Variants in CAPN2 observed in about 807,000 individuals in gnomAD.
The protein encoded by CAPN2 is calpain-2 catalytic subunit.
A neutral mutation model predicts 102.3 loss-of-function variants in CAPN2; 92 were observed. The ratio of observed to expected loss-of-function variants is 0.90; its 90% CI spans 0.76 to 1.07. The LOEUF (loss-of-function observed/expected upper bound fraction) is 1.07. Among genes scored for constraint, CAPN2 ranks in the 50% least tolerant of loss-of-function variants. CAPN2 has a pLI of 0.00. For missense variants in CAPN2, 800 were observed against 909.4 expected, an observed-to-expected ratio of 0.88 and a Z score of 1.55; for synonymous variants, 340 against 355.4, an observed-to-expected ratio of 0.96 and a Z score of 0.49.
chr1:223,717,710 G>T, intron 1 of CAPN2, 52 bp from the exon 2 acceptor site: 2 of 1,466,036 alleles, frequency 1.4e-6, no homozygotes, highest in South Asian at 2.3e-5. Context: ...CATCCTAGCT[G>T]CAGAAGCACC....
intron 18 of CAPN2, 40 bp from the exon 19 acceptor site, chr1:223,771,769 T>C (rs1661476415): frequency 8.0e-7 from 1 of 1,244,242 alleles, no homozygotes. Flanking sequence ...TGGAACAATC[T>C]AATGCTTAGC....
rs1356669739 is a variant in CAPN2 at position 223,725,382 on chromosome 1, CAAA to C, written c.307+7562_307+7564del. ...TGGGCAATAGAGCGAGACTTCATCT[CAAA>C]AAAAAAAAAATTGTGTCTACCTCAG... On this transcript the variant is annotated intron_variant, in intron 2 of 20. Transcript: ENST00000295006. This position sits in a 1 kb window ranked among gnomAD's most constrained non-coding sequence, Gnocchi z 4.1. 7.4e-6 allele frequency among the ~76,000 whole-genome samples: 1 copy of C among 134,400 alleles called. No homozygotes were observed. The highest frequency in any genetic ancestry group is 7.5e-5 in the Admixed American group (1 of 13,400). 88.2% of individuals were successfully genotyped at this position (134,400 alleles called of 152,430 possible).
intron 15 of CAPN2, 127 bp downstream of exon 15, chr1:223,764,334 A>G: frequency 1.3e-6 from 1 of 747,004 alleles, no homozygotes; most frequent in South Asian, 1.6e-5. Flanking sequence ...CCCCTCCAAG[A>G]AGTGGATGAA....
At chr1:223,753,720 G>A (rs566295106) in intron 9 of CAPN2, among the ~76,000 whole-genome samples, 6 of 152,272 alleles carry the variant, frequency 3.9e-5, no homozygotes, top group Admixed American at 3.9e-4. Flanking sequence ...CTTGACCTCA[G>A]GTGACAGGTC....
chr1:223,747,095 C>A lies in CAPN2; in HGVS notation c.659C>A (p.Pro220His). 6.2e-7 allele frequency: 1 copy of A among 1,613,858 alleles called. No homozygotes were observed. Among genetic ancestry groups the A allele is most frequent in the Non-Finnish European group, 8.5e-7 (1 of 1,179,898 alleles). ...GIAEWYELKK[P>H]PPNLFKIIQK... is the part of the protein sequence containing the mutation. The stretch of plus-strand genomic sequence containing the variant: ...GCTGAGTGGTATGAGTTGAAGAAGC[C>A]CCCTCCCAACCTGTTCAAGATCATC... The change falls in exon 5 of 21, where the codon CCC becomes CAC. Residue 220 changes from proline (P) to histidine (H), a missense_variant. Pro to His is a moderately conservative substitution (Grantham distance 77). Coordinates refer to ENST00000295006, the MANE Select transcript of CAPN2 (RefSeq NM_001748.5).
In CAPN2 at chr1:223,726,261, C is replaced by A. The variant is rs1660187221; in HGVS notation, c.307+8430C>A. Among the ~76,000 whole-genome samples the A allele has an allele frequency of 6.6e-6, 1 of 152,170 alleles. No homozygotes were observed. The highest frequency in any genetic ancestry group is 1.5e-5 in the Non-Finnish European group (1 of 68,020). On this transcript the variant is annotated intron_variant, in intron 2 of 20. Coordinates refer to ENST00000295006, the MANE Select transcript of CAPN2 (RefSeq NM_001748.5). The surrounding 1 kb of genome is among the most constrained non-coding windows in gnomAD (Gnocchi z 4.4). ...AGGGCAAGGTTCCACCTCCTCCTCCCTTCTTCTGTGGGGTCTGTGATGAGA... is the reference window on the plus strand; with the variant it reads ...AGGGCAAGGTTCCACCTCCTCCTCCATTCTTCTGTGGGGTCTGTGATGAGA...
rs1661562433 is a variant in CAPN2, at chr1:223,774,496, GTT to G, written c.2080-337_2080-336del. Among the ~76,000 whole-genome samples, 4 of 152,288 alleles carry G rather than the reference GTT, an allele frequency of 2.6e-5. No homozygotes were observed. The South Asian group carries it at 8.3e-4, about 32-fold the overall frequency. ...TTAGAACCAATGCTGAACACCATTG[GTT>G]GCAGGGATATCCACATCCCAAACTA... On this transcript the variant is annotated intron_variant, in intron 20 of 20. Coordinates refer to ENST00000295006, the MANE Select transcript of CAPN2 (RefSeq NM_001748.5).
At position 223,771,790 on chromosome 1, in the gene CAPN2, T is replaced by C. The variant is rs1661477558; in HGVS notation, c.1904-19T>C. 6.7e-7 allele frequency: 1 copy of C among 1,495,222 alleles called. No individual in the cohort carries two copies. 92.6% of individuals were successfully genotyped at this position (1,495,222 alleles called of 1,614,324 possible). ...AATCTAATGCTTAGCAATGAGTTTG[T>C]TTGTTCATGTAACTTCAGGTTTCAA... On this transcript the variant is annotated intron_variant, in intron 18 of 20. Coordinates refer to ENST00000295006, the MANE Select transcript of CAPN2 (RefSeq NM_001748.5).
chr1:223,720,204 T>C (rs1363961502), intron 2 of CAPN2, among the ~76,000 whole-genome samples: 1 of 152,124 alleles, frequency 6.6e-6, no homozygotes, highest in South Asian at 2.1e-4. Context: ...CCCTATGAGT[T>C]TGTATTCAGC....
chr1:223,748,475 G>A (rs191427402), intron 5 of CAPN2, among the ~76,000 whole-genome samples: 1 of 152,354 alleles, frequency 6.6e-6, no homozygotes, highest in Non-Finnish European at 1.5e-5. Flanking sequence ...AGGCTGTGAG[G>A]CGTTCTTAAA....
At chr1:223,766,044 T>G (rs1558077997) in intron 15 of CAPN2, among the ~76,000 whole-genome samples, 1 of 152,216 alleles carries the variant, frequency 6.6e-6, no homozygotes. Flanking sequence ...GTTTTCTTTT[T>G]CCCTGCCCAA....
chr1:223,709,497 C>T (rs895355585), upstream of CAPN2, among the ~76,000 whole-genome samples: 12 of 151,928 alleles, frequency 7.9e-5, no homozygotes, highest in Admixed American at 3.3e-4. Flanking sequence ...CCTGTCCCTA[C>T]TAAAAATACA....
At chr1:223,761,839 A>T in intron 13 of CAPN2, 1 of 530,048 alleles carries the variant, frequency 1.9e-6, no homozygotes, top group South Asian at 3.3e-5. Flanking sequence ...AGCCACTGTC[A>T]AAATCCATCC....
At chr1:223,762,085 T>C (rs546025124) in intron 13 of CAPN2, 101 bp from the exon 14 acceptor site, 4 of 917,006 alleles carry the variant, frequency 4.4e-6, no homozygotes, top group African/African-American at 1.6e-5. Flanking sequence ...CAGGGAGGGG[T>C]AGAGAAGGGG....
At position 223,725,694 on chromosome 1, in the gene CAPN2, A is replaced by C. The variant is rs1386036506; in HGVS notation, c.307+7863A>C. Among the ~76,000 whole-genome samples, 1 of 152,132 alleles carries C rather than the reference A, an allele frequency of 6.6e-6. No individual in the cohort carries two copies. The highest frequency in any genetic ancestry group is 1.5e-5 in the Non-Finnish European group (1 of 68,026). On this transcript the variant is annotated intron_variant, in intron 2 of 20. Coordinates refer to ENST00000295006, the MANE Select transcript of CAPN2 (RefSeq NM_001748.5). This position sits in a 1 kb window ranked among gnomAD's most constrained non-coding sequence, Gnocchi z 4.1. ...TGGTGTCCCAGGGGGAAGGTCCGGAAACTCAGAGGAGTTTCCTGCTGTAAT... is the reference window on the plus strand; with the variant it reads ...TGGTGTCCCAGGGGGAAGGTCCGGACACTCAGAGGAGTTTCCTGCTGTAAT...
chr1:223,760,155 G>A (rs953089876), intron 12 of CAPN2, among the ~76,000 whole-genome samples: 2 of 152,228 alleles, frequency 1.3e-5, no homozygotes, highest in Admixed American at 6.5e-5. Flanking sequence ...GGAATTCATC[G>A]AAAGGCCATT....
chr1:223,734,447 C>T (rs1230372401), intron 2 of CAPN2, among the ~76,000 whole-genome samples: 1 of 152,132 alleles, frequency 6.6e-6, no homozygotes, highest in Non-Finnish European at 1.5e-5. Flanking sequence ...CAGGACACCT[C>T]GCCCAGTGCT....
chr1:223,761,331 T>C (rs1461304006), intron 12 of CAPN2, among the ~76,000 whole-genome samples: 1 of 152,212 alleles, frequency 6.6e-6, no homozygotes, highest in Non-Finnish European at 1.5e-5. Flanking sequence ...GTTTAGGGGA[T>C]GTGTTATCAC....
In CAPN2 at chr1:223,712,695, G is replaced by C. The variant is rs761725160; in HGVS notation, c.55G>C (p.Gly19Arg). ...AKDREAAEGL[G>R]SHDRAIKYLN... ...GGACCGGGAGGCGGCCGAGGGGCTG[G>C]GCTCCCACGACAGGGCCATCAAGTA... Residue 19 changes from glycine (G) to arginine (R), a missense_variant, in exon 1 of 21, where the codon GGC becomes CGC. By Grantham distance (125) the Gly-to-Arg change is moderately radical (BLOSUM62 -2). Transcript: ENST00000295006. 3 of 1,572,900 alleles carry C rather than the reference G, an allele frequency of 1.9e-6. No individual in the cohort carries two copies. The South Asian group carries it at 3.5e-5, about 18-fold the overall frequency.
Sources: gnomAD v4.1 joint callset for allele counts (sites outside exome capture counted in the v4.1 genomes callset) on GRCh38, gnomAD v4.1.1 for gene constraint, Gnocchi (gnomAD v3.1) non-coding constraint, MANE v1.5 for transcripts, NCBI Gene and HGNC (gene_info 2026-07-23, HGNC 2026-07-21) for gene names.